The following GAS2 variants were observed in gnomAD, a reference collection of about 807,000 sequenced individuals.
GAS2 encodes growth arrest specific 2.
In GAS2, 20 loss-of-function variants were observed where a neutral mutation model predicts 37.5. That is an observed-to-expected ratio of 0.53 (90% CI 0.37 to 0.77). The LOEUF (loss-of-function observed/expected upper bound fraction) is 0.77. Among genes scored for constraint, GAS2 ranks in the 30% least tolerant of loss-of-function variants. GAS2 has a pLI of 0.00. For missense variants in GAS2, 336 were observed against 373.4 expected, an observed-to-expected ratio of 0.90 and a Z score of 0.82; for synonymous variants, 144 against 132.2, an observed-to-expected ratio of 1.09 and a Z score of -0.61.
intron 7 of GAS2, among the ~76,000 whole-genome samples, chr11:22,759,330 T>C (rs1378889292): frequency 6.6e-6 from 1 of 152,214 alleles, no homozygotes; most frequent in Non-Finnish European, 1.5e-5. Context: ...CTATGTACTT[T>C]TGTAGACAGG....
intron 6 of GAS2, among the ~76,000 whole-genome samples, chr11:22,752,318 A>C (rs571807288): frequency 1.3e-5 from 2 of 152,114 alleles, no homozygotes; most frequent in South Asian, 4.1e-4. Flanking sequence ...GGAAAACTGC[A>C]TTGAACTATT....
intron 7 of GAS2, among the ~76,000 whole-genome samples, chr11:22,766,197 C>T (rs1854684059): frequency 6.6e-6 from 1 of 151,802 alleles, no homozygotes; most frequent in African/African-American, 2.4e-5. Context: ...TAATACTCAC[C>T]AAATGCTTTC....
chr11:22,723,271 A>G (rs1043320939), intron 3 of GAS2, among the ~76,000 whole-genome samples: 3 of 151,934 alleles, frequency 2.0e-5, no homozygotes, highest in African/African-American at 7.2e-5. Flanking sequence ...GTTTTGGAGT[A>G]TCAATAGCCA....
chr11:22,766,981 G>A (rs959422966), intron 7 of GAS2, among the ~76,000 whole-genome samples: 8 of 152,090 alleles, frequency 5.3e-5, no homozygotes, highest in South Asian at 2.1e-4. Context: ...AACTGAAAAC[G>A]TTGGCATAGC....
chr11:22,713,934 A>C (rs966297035), intron 3 of GAS2, among the ~76,000 whole-genome samples: 6 of 152,290 alleles, frequency 3.9e-5, no homozygotes, highest in Admixed American at 3.9e-4. Context: ...CCAATAACAC[A>C]ATGAGAAAAC....
At chr11:22,680,002 T>A (rs1318848258) in intron 2 of GAS2, among the ~76,000 whole-genome samples, 1 of 152,162 alleles carries the variant, frequency 6.6e-6, no homozygotes, top group Non-Finnish European at 1.5e-5. Context: ...TTTCATTTTT[T>A]TTAGTTATTC....
intron 3 of GAS2, chr11:22,688,555 A>C (rs1054217310): frequency 6.6e-6 from 1 of 152,176 alleles, no homozygotes; most frequent in African/African-American, 2.4e-5. Flanking sequence ...TTATTGATCA[A>C]AAGTTATGTA....
At position 22,741,300 on chromosome 11, in the gene GAS2, G is replaced by A. The variant is rs190449678; in HGVS notation, c.473+3532G>A. Among the ~76,000 whole-genome samples, 3 of 116,406 alleles carry A rather than the reference G, an allele frequency of 2.6e-5. No individual in the cohort carries two copies. In the East Asian group the frequency reaches 7.6e-4, roughly 30 times the overall value. 76.4% of individuals were successfully genotyped at this position (116,406 alleles called of 152,430 possible). A position where few individuals can be genotyped will look rare whatever the true frequency, so the allele number is the denominator to read the frequency against. On this transcript the variant is annotated intron_variant, in intron 5 of 7. Transcript: ENST00000454584. ...ATATCAGTTTCTGAATATAAAATAT[G>A]TGTTTGACTTGTGAAAAGTAAAACT... is the stretch of plus-strand genomic sequence containing the variant.
At chr11:22,687,011 C>G (rs1849993691) in intron 3 of GAS2, among the ~76,000 whole-genome samples, 1 of 151,996 alleles carries the variant, frequency 6.6e-6, no homozygotes, top group African/African-American at 2.4e-5. Flanking sequence ...TTGGAATTAC[C>G]TGAGCATCTT....
At chr11:22,704,335 A>C (rs1850995262) in intron 3 of GAS2, among the ~76,000 whole-genome samples, 1 of 151,946 alleles carries the variant, frequency 6.6e-6, no homozygotes, top group South Asian at 2.1e-4. Flanking sequence ...AATATTAAAA[A>C]TCAACATTGA....
chr11:22,661,982 A>G (rs1298579445), upstream of GAS2, among the ~76,000 whole-genome samples: 1 of 152,158 alleles, frequency 6.6e-6, no homozygotes, highest in African/African-American at 2.4e-5. Context: ...GTGCAATATA[A>G]TAGTAAAGTA....
intron 2 of GAS2, among the ~76,000 whole-genome samples, chr11:22,681,823 TTTATA>T (rs1227397267): frequency 5.1e-5 from 7 of 138,184 alleles, no homozygotes; most frequent in Non-Finnish European, 9.2e-5. Context: ...TTCAGCTACT[TTTATA>T]TTATATTTTT....
chr11:22,630,075 T>C (rs1858723383), intron 1 of GAS2, among the ~76,000 whole-genome samples: 1 of 152,122 alleles, frequency 6.6e-6, no homozygotes, highest in Non-Finnish European at 1.5e-5. Flanking sequence ...TACTGTAAGC[T>C]CTAGGGTACA....
intron 3 of GAS2, among the ~76,000 whole-genome samples, chr11:22,708,568 T>A (rs1226128005): frequency 6.6e-6 from 1 of 152,172 alleles, no homozygotes; most frequent in East Asian, 1.9e-4. Context: ...ACTCAGGCAG[T>A]CTGGTTCCAA....
At chr11:22,691,891 T>C (rs1850262419) in intron 3 of GAS2, among the ~76,000 whole-genome samples, 1 of 152,194 alleles carries the variant, frequency 6.6e-6, no homozygotes, top group Admixed American at 6.5e-5. Context: ...GTCACTATTT[T>C]TTAAGTCTCT....
intron 7 of GAS2, among the ~76,000 whole-genome samples, chr11:22,793,391 G>C (rs1564891792): frequency 6.6e-6 from 1 of 152,122 alleles, no homozygotes; most frequent in Non-Finnish European, 1.5e-5. Flanking sequence ...TTCATTAACT[G>C]TTCAGATAGT....
At chr11:22,721,637 A>C (rs1851954098) in intron 3 of GAS2, among the ~76,000 whole-genome samples, 1 of 152,068 alleles carries the variant, frequency 6.6e-6, no homozygotes, top group Non-Finnish European at 1.5e-5. Context: ...TAAGTTGATA[A>C]ATGAAATAAA....
chr11:22,647,665 G>A (rs1328595163), intron 1 of GAS2, among the ~76,000 whole-genome samples: 3 of 152,190 alleles, frequency 2.0e-5, no homozygotes, highest in African/African-American at 7.2e-5. Context: ...GCATTTCTCT[G>A]ATGGCCAGTG....
At chr11:22,652,846 G>A (rs1040696682) in intron 1 of GAS2, among the ~76,000 whole-genome samples, 6 of 152,094 alleles carry the variant, frequency 3.9e-5, no homozygotes, top group Non-Finnish European at 5.9e-5. Context: ...AGATGAATCC[G>A]GTACCTCAGA....
Sources: allele counts gnomAD v4.1 joint callset (sites outside exome capture counted in the v4.1 genomes callset), GRCh38; gene constraint gnomAD v4.1.1; transcripts MANE v1.5; gene names NCBI Gene and HGNC (gene_info 2026-07-23, HGNC 2026-07-21).